Variants in PTK2 observed in about 807,000 individuals in gnomAD.
PTK2 encodes the protein focal adhesion kinase 1.
In PTK2, 45 loss-of-function variants were observed where a neutral mutation model predicts 150.1. That is an observed-to-expected ratio of 0.30 (90% CI 0.24 to 0.38). PTK2 has a LOEUF of 0.38. Among genes scored for constraint, PTK2 ranks in the 10% least tolerant of loss-of-function variants. PTK2 has a pLI of 1.00. For synonymous variants in PTK2, 432 were observed against 449.2 expected, an observed-to-expected ratio of 0.96 and a Z score of 0.48; for missense variants, 919 against 1,307.3, an observed-to-expected ratio of 0.70 and a Z score of 4.58.
intron 23 of PTK2, among the ~76,000 whole-genome samples, chr8:140,712,146 A>T (rs559763787): frequency 2.0e-5 from 3 of 152,262 alleles, no homozygotes; most frequent in African/African-American, 7.2e-5. Context: ...ATTAAAACAG[A>T]TACTAAAAAG....
rs368736122 is a variant in PTK2 at position 140,756,067 on chromosome 8, G to A, written c.1333-3751C>T. ...AGGCCGGGCATGGTGGCTCACATCT[G>A]TAATCCCAGCACACTGGGAGGCCGG... On this transcript the variant is annotated intron_variant, in intron 16 of 31. Transcript: ENST00000522684. 6.6e-5 allele frequency among the ~76,000 whole-genome samples: 10 copies of A among 152,270 alleles called. No homozygotes were observed. In the East Asian group the frequency reaches 1.9e-3, roughly 29 times the overall value.
At chr8:140,958,835 A>G (rs1003125095) in intron 1 of PTK2, among the ~76,000 whole-genome samples, 2 of 152,256 alleles carry the variant, frequency 1.3e-5, no homozygotes, top group Middle Eastern at 3.2e-3. Context: ...GGCTCACAAT[A>G]TATTTCTATT....
At chr8:140,684,023 A>C (rs1056639542) in intron 27 of PTK2, among the ~76,000 whole-genome samples, 2 of 152,204 alleles carry the variant, frequency 1.3e-5, no homozygotes, top group Non-Finnish European at 2.9e-5. Context: ...CAATCAGGCA[A>C]AACAAAGAAA....
At chr8:140,944,368 ATTC>A (rs1291556882) in intron 1 of PTK2, among the ~76,000 whole-genome samples, 16 of 152,288 alleles carry the variant, frequency 1.1e-4, no homozygotes, top group African/African-American at 2.4e-4. Flanking sequence ...AGGTGGCACT[ATTC>A]TTCTCTCTGT....
intron 26 of PTK2, among the ~76,000 whole-genome samples, chr8:140,696,180 A>T (rs926306538): frequency 1.3e-5 from 2 of 152,210 alleles, no homozygotes; most frequent in Admixed American, 1.3e-4. Flanking sequence ...AGTGCTGAAT[A>T]AAGAAAGTTC....
chr8:140,756,774 G>T (rs1251408762), intron 16 of PTK2, among the ~76,000 whole-genome samples: 2 of 151,252 alleles, frequency 1.3e-5, no homozygotes, highest in Non-Finnish European at 2.9e-5. Flanking sequence ...TGGATCACGA[G>T]GTCAGGAGAT....
chr8:140,804,418 T>C (rs1347556990), intron 10 of PTK2, among the ~76,000 whole-genome samples: 1 of 150,822 alleles, frequency 6.6e-6, no homozygotes, highest in African/African-American at 2.4e-5. Flanking sequence ...AGACCCTTTC[T>C]CTACCAAAAG....
intron 1 of PTK2, among the ~76,000 whole-genome samples, chr8:140,948,190 A>G (rs1293487987): frequency 6.6e-6 from 1 of 152,242 alleles, no homozygotes; most frequent in Non-Finnish European, 1.5e-5. Flanking sequence ...AAACAAAGAG[A>G]AAAACTGGCC....
chr8:140,826,585 C>T (rs1264975540), intron 8 of PTK2, among the ~76,000 whole-genome samples: 3 of 152,168 alleles, frequency 2.0e-5, no homozygotes, highest in African/African-American at 7.2e-5. Context: ...ACATCAAAAT[C>T]AGCAGCAATT....
chr8:140,676,607 T>A (rs866729876), intron 27 of PTK2, among the ~76,000 whole-genome samples: 1 of 68,104 alleles, frequency 1.5e-5, no homozygotes, highest in Non-Finnish European at 3.5e-5. Flanking sequence ...CCGCGGTCGG[T>A]GGGGGCGGGG....
chr8:140,879,720 A>G (rs1227676990), intron 3 of PTK2, 83 bp from the exon 4 acceptor site: 1 of 1,131,202 alleles, frequency 8.8e-7, no homozygotes, highest in East Asian at 3.3e-5. Flanking sequence ...AAACAAAAAC[A>G]AAACAAAAAA....
rs571753034 is a variant in PTK2 at position 140,760,092 on chromosome 8, C to T, written c.1332+1073G>A. Among the ~76,000 whole-genome samples, 127 of 151,874 alleles carry T rather than the reference C, an allele frequency of 8.4e-4. 4 individuals carry two copies. The highest frequency in any genetic ancestry group is 1.3e-4 in the Non-Finnish European group (9 of 67,964). On this transcript the variant is annotated intron_variant, in intron 16 of 31. Coordinates refer to ENST00000522684, the Ensembl canonical transcript of PTK2. ...CAAAAATTAGCTGGGCGTGGTGGAG[C>T]GCGCCTGTAGTCCCAGCTGCTCAGG...
chr8:140,718,067 A>C (rs2100040775), intron 22 of PTK2: 1 of 240,330 alleles, frequency 4.2e-6, no homozygotes, highest in South Asian at 6.7e-5. Flanking sequence ...GCACTTTATC[A>C]AGCATATACA....
intron 4 of PTK2, among the ~76,000 whole-genome samples, chr8:140,875,216 G>A (rs1045289390): frequency 2.0e-5 from 3 of 152,056 alleles, no homozygotes; most frequent in Admixed American, 2.0e-4. Context: ...AAGTTCAAAG[G>A]CCCCAATAAG....
chr8:140,686,347 C>T (rs2100019814), intron 27 of PTK2, among the ~76,000 whole-genome samples: 1 of 151,910 alleles, frequency 6.6e-6, no homozygotes, highest in Non-Finnish European at 1.5e-5. Context: ...CAAACCCTTG[C>T]AACATGCGAT....
chr8:140,673,926 G>A (rs565670097), intron 29 of PTK2, among the ~76,000 whole-genome samples: 1 of 152,220 alleles, frequency 6.6e-6, no homozygotes, highest in East Asian at 1.9e-4. Context: ...CCTACAAAAA[G>A]TCCTCACTTA....
chr8:140,977,618 CA>C (rs34732857), intron 1 of PTK2, among the ~76,000 whole-genome samples: 106 of 137,020 alleles, frequency 7.7e-4, no homozygotes, highest in Admixed American at 1.3e-3. Context: ...CAAGACTGTC[CA>C]AAAAAAAAAA....
exon 32 of PTK2, chr8:140,658,761 A>G (rs7460): frequency 4.5e-6 from 1 of 221,292 alleles, no homozygotes; most frequent in Non-Finnish European, 9.1e-6. Flanking sequence ...AAGAGAAATA[A>G]CATTGCTACA....
At chr8:140,680,505 G>A (rs1415710268) in intron 27 of PTK2, among the ~76,000 whole-genome samples, 2 of 152,144 alleles carry the variant, frequency 1.3e-5, no homozygotes, top group Non-Finnish European at 2.9e-5. Flanking sequence ...TATTAATAAA[G>A]CAGTTCTGCA....
Sources: allele counts gnomAD v4.1 joint callset (sites outside exome capture counted in the v4.1 genomes callset), GRCh38; gene constraint gnomAD v4.1.1; transcripts MANE v1.5; gene names NCBI Gene and HGNC (gene_info 2026-07-23, HGNC 2026-07-21).